VPS35: variants seen among roughly 807,000 people sequenced by gnomAD.
VPS35 encodes the protein VPS35 retromer complex component.
In VPS35, 21 loss-of-function variants were observed where a neutral mutation model predicts 98.1. That is an observed-to-expected ratio of 0.21 (90% CI 0.15 to 0.31). VPS35 has a LOEUF of 0.31. Ranked by LOEUF, VPS35 falls within the 10% of genes least tolerant of loss-of-function variation. The probability of loss-of-function intolerance (pLI) is 1.00; values close to 1 mark genes in which losing one functional copy is unlikely to be tolerated. For synonymous variants in VPS35, 268 were observed against 318.2 expected (o/e 0.84, Z 1.68); for missense variants, 554 against 950.8 (o/e 0.58, Z 5.49).
chr16:46,688,242 T>G, intron 1 of VPS35: 1 of 906,170 alleles, frequency 1.1e-6, no homozygotes, highest in Non-Finnish European at 1.3e-6. Context: ...GGACATACAG[T>G]ATATACTCAA....
chr16:46,681,040 C>CAT (rs1002987254), intron 4 of VPS35, among the ~76,000 whole-genome samples, 187 bp from the exon 5 acceptor site: 3 of 150,718 alleles, frequency 2.0e-5, no homozygotes, highest in Admixed American at 1.3e-4. Flanking sequence ...TATACACACA[C>CAT]ACACACACAC....
chr16:46,687,022 C>T (rs983204086), intron 1 of VPS35, among the ~76,000 whole-genome samples: 17 of 152,126 alleles, frequency 1.1e-4, no homozygotes, highest in African/African-American at 3.6e-4. Flanking sequence ...TTATGAAGAA[C>T]AAATGAAACC....
In VPS35 at chr16:46,661,645, G is replaced by T; in HGVS notation, c.2211+73C>A. 1.5e-6 allele frequency: 2 copies of T among 1,364,802 alleles called. No homozygotes were observed. Among genetic ancestry groups the T allele is most frequent in the South Asian group, 1.2e-5 (1 of 83,152 alleles). 84.5% of individuals were successfully genotyped at this position (1,364,802 alleles called of 1,614,324 possible). A position where few individuals can be genotyped will look rare whatever the true frequency, so the allele number is the denominator to read the frequency against. ...TAAAGTATCAGAATGATAAACTTTT[G>T]TACATATCAAATCTCCTAAGAGTAG... is the stretch of plus-strand genomic sequence containing the variant. On this transcript the variant is annotated intron_variant, in intron 16 of 16. Transcript: ENST00000299138. The surrounding 1 kb of genome is among the most constrained non-coding windows in gnomAD (Gnocchi z 4.3).
chr16:46,688,275 G>A, intron 1 of VPS35: 1 of 983,574 alleles, frequency 1.0e-6, no homozygotes, highest in Non-Finnish European at 1.2e-6. Context: ...CACAGTGCAG[G>A]CTATGTTAAA....
chr16:46,676,835 T>A, intron 7 of VPS35, 143 bp from the exon 8 acceptor site: 1 of 692,836 alleles, frequency 1.4e-6, no homozygotes, highest in Non-Finnish European at 2.6e-6. Flanking sequence ...ACCTCTCTAC[T>A]AAACATAAGC....
chr16:46,671,712 T>C lies in VPS35; in HGVS notation c.1517A>G (p.Gln506Arg), dbSNP rs755622603. ...HLLRSEDPDQ[Q>R]YLILNTARKH... ...CTAAGGGTAAACTCATACCAAGTAC[T>C]GCTGGTCAGGGTCCTCAGAGCGCAG... The change falls in exon 12 of 17, where the codon CAG (glutamine) becomes CGG (arginine). Residue 506 changes from glutamine (Q) to arginine (R), a missense_variant. Gln to Arg is a conservative substitution (Grantham distance 43). Coordinates refer to ENST00000299138, the MANE Select transcript of VPS35 (RefSeq NM_018206.6). 1 of 1,614,158 alleles carries C rather than the reference T, an allele frequency of 6.2e-7. No homozygotes were observed. Among genetic ancestry groups the C allele is most frequent in the South Asian group, 1.1e-5 (1 of 91,092 alleles).
At chr16:46,678,903 T>C in intron 6 of VPS35, 40 bp downstream of exon 6, 1 of 1,590,226 alleles carries the variant, frequency 6.3e-7, no homozygotes, top group Non-Finnish European at 8.6e-7. Flanking sequence ...GATTTCAGTT[T>C]ATCTCTGAAC....
intron 1 of VPS35, among the ~76,000 whole-genome samples, chr16:46,685,948 G>A (rs1567270507): frequency 6.6e-6 from 1 of 152,056 alleles, no homozygotes; most frequent in Admixed American, 6.5e-5. Flanking sequence ...TAAATGTACA[G>A]TTCAGTGGCA....
At chr16:46,663,295 T>C (rs368329190) in intron 13 of VPS35, 133 bp from the exon 14 acceptor site, 12 of 801,728 alleles carry the variant, frequency 1.5e-5, no homozygotes, top group East Asian at 5.3e-5. Flanking sequence ...CTGTTTCAGT[T>C]ATAGGGCAAA....
Position 46,660,422 on chromosome 16 carries a change from A to C in VPS35, c.*50T>G. 6.2e-7 allele frequency: 1 copy of C among 1,606,086 alleles called. No individual in the cohort carries two copies. Among genetic ancestry groups the C allele is most frequent in the Non-Finnish European group, 8.5e-7 (1 of 1,177,412 alleles). ...TATGGAAGGGAAACCTAGCGTAATAAAACCCTCACTGGATGTACATGGAAA... is the reference window on the plus strand; with the variant it reads ...TATGGAAGGGAAACCTAGCGTAATACAACCCTCACTGGATGTACATGGAAA... On this transcript the variant is annotated 3_prime_UTR_variant, in exon 17 of 17. Transcript: ENST00000299138.
rs576041835 is a variant in VPS35 at position 46,678,278 on chromosome 16, C to T, written c.720+665G>A. Among the ~76,000 whole-genome samples, 37 of 120,342 alleles carry T rather than the reference C, an allele frequency of 3.1e-4. No individual in the cohort carries two copies. In the South Asian group the frequency reaches 3.2e-3, roughly 10 times the overall value. The allele number at this position is 120,342 out of a possible 152,430, so 78.9% of individuals were successfully genotyped here. On this transcript the variant is annotated intron_variant, in intron 6 of 16. Transcript: ENST00000299138. The stretch of plus-strand genomic sequence containing the variant: ...AGAATTAGAATTGTCTTGGGCCATA[C>T]ATAAAATACACTTAGCTGATGAGCT...
At position 46,658,678 on chromosome 16, in the gene VPS35, A is replaced by G. The variant is rs1321026328; in HGVS notation, c.*1794T>C. 6.6e-6 allele frequency: 1 copy of G among 152,428 alleles called. No individual in the cohort carries two copies. Among genetic ancestry groups the G allele is most frequent in the Non-Finnish European group, 1.5e-5 (1 of 68,034 alleles). 9.4% of individuals were successfully genotyped at this position (152,428 alleles called of 1,614,324 possible). A position where few individuals can be genotyped will look rare whatever the true frequency, so the allele number is the denominator to read the frequency against. ...CATGTCAAGCCATAATCAGGTTTAT[A>G]CGGGGTAAACTAACACCTACAAAGA... is the stretch of plus-strand genomic sequence containing the variant. On this transcript the variant is annotated 3_prime_UTR_variant, in exon 17 of 17. Coordinates refer to ENST00000299138, the MANE Select transcript of VPS35 (RefSeq NM_018206.6).
chr16:46,688,667 G>A (rs547559567), intron 1 of VPS35: 83 of 1,053,890 alleles, frequency 7.9e-5, no homozygotes, highest in Non-Finnish European at 8.5e-5. Flanking sequence ...CCCTCCAGGA[G>A]GGCGTGGGGA....
In VPS35 at chr16:46,671,816, C is replaced by T; in HGVS notation, c.1413G>A (p.Gln471=). ...MNLVSTLIQD[Q]PDQPVEDPDP... ...CAGGGTCTTCTACAGGTTGATCTGG[C>T]TGATCTTGAATCAACGTGGATACCA... Residue 471 remains glutamine, a synonymous_variant, in exon 12 of 17, where the codon CAG becomes CAA. Transcript: ENST00000299138. 6.2e-7 allele frequency: 1 copy of T among 1,613,658 alleles called. No individual in the cohort carries two copies. Among genetic ancestry groups the T allele is most frequent in the Non-Finnish European group, 8.5e-7 (1 of 1,179,982 alleles).
Position 46,662,276 on chromosome 16 carries a change from C to A in VPS35, c.2034G>T (p.Trp678Cys), listed in dbSNP as rs758539394. 6.2e-7 allele frequency: 1 copy of A among 1,614,116 alleles called. No individual in the cohort carries two copies. The highest frequency in any genetic ancestry group is 2.2e-5 in the East Asian group (1 of 44,886). Residue 678 changes from tryptophan to cysteine, a missense_variant, in exon 15 of 17, where the codon TGG becomes TGT. Trp to Cys is a radical substitution (Grantham distance 215). Transcript: ENST00000299138. ...RAVSTCAHLF[W>C]SGRNTDKNGE... Reference sequence around the variant, plus strand: ...CATTTTTGTCCGTGTTTCTGCCAGACCAGAAGAGATGTGCACAGGTGCTCA... The same window carrying A: ...CATTTTTGTCCGTGTTTCTGCCAGAACAGAAGAGATGTGCACAGGTGCTCA...
chr16:46,688,835 A>G, intron 1 of VPS35: 2 of 1,401,204 alleles, frequency 1.4e-6, no homozygotes, highest in Non-Finnish European at 1.9e-6. Context: ...ATTCCACTTA[A>G]AGGAGGCCGC....
intron 10 of VPS35, 114 bp from the exon 11 acceptor site, chr16:46,672,586 C>CA (rs1360997758): frequency 1.2e-5 from 10 of 839,566 alleles, no homozygotes; most frequent in Non-Finnish European, 1.9e-5. Context: ...GGAAATGGGT[C>CA]AAGTGAATCA....
In VPS35 at chr16:46,689,138, A is replaced by G; in HGVS notation, c.-5T>C. On this transcript the variant is annotated 5_prime_UTR_variant, in exon 1 of 17. Transcript: ENST00000299138. ...TGCCCCCTCAGCACTCACCATGGCGACTCCCCAGAGCCTGCAGCAAGCAGC... is the reference window on the plus strand; with the variant it reads ...TGCCCCCTCAGCACTCACCATGGCGGCTCCCCAGAGCCTGCAGCAAGCAGC... 1 of 1,607,652 alleles carries G rather than the reference A, an allele frequency of 6.2e-7. No individual in the cohort carries two copies. Among genetic ancestry groups the G allele is most frequent in the South Asian group, 1.1e-5 (1 of 90,048 alleles).
rs756674794 is a variant in VPS35, at chr16:46,689,087, A to G, written c.3+44T>C. Reference sequence around the variant, plus strand: ...GGGGCGGTGGGAGAGAGCAGGGGCTACAAGGAGGGTCGACCCAGGTGCCAC... The same window carrying G: ...GGGGCGGTGGGAGAGAGCAGGGGCTGCAAGGAGGGTCGACCCAGGTGCCAC... On this transcript the variant is annotated intron_variant, in intron 1 of 16. Transcript: ENST00000299138. The G allele has an allele frequency of 1.3e-5, 21 of 1,600,988 alleles. No individual in the cohort carries two copies. In the South Asian group the frequency reaches 2.3e-4, roughly 17 times the overall value.
Sources: gnomAD v4.1 joint callset for allele counts (sites outside exome capture counted in the v4.1 genomes callset) on GRCh38, gnomAD v4.1.1 for gene constraint, Gnocchi (gnomAD v3.1) non-coding constraint, MANE v1.5 for transcripts, NCBI Gene and HGNC (gene_info 2026-07-23, HGNC 2026-07-21) for gene names.